The following RASGEF1A variants were observed in gnomAD, a reference collection of about 807,000 sequenced individuals.
RASGEF1A encodes the protein RasGEF domain family member 1A.
Under a neutral mutation model 56.4 loss-of-function variants are expected in RASGEF1A, and 18 were observed. The ratio of observed to expected loss-of-function variants is 0.32; its 90% CI spans 0.22 to 0.47. RASGEF1A has a LOEUF of 0.47. Among genes scored for constraint, RASGEF1A ranks in the 20% least tolerant of loss-of-function variants. RASGEF1A has a pLI of 1.00. For missense variants in RASGEF1A, 422 were observed against 627.1 expected (o/e 0.67, Z 3.49); for synonymous variants, 245 against 242.6 (o/e 1.01, Z -0.09).
chr10:43,242,461 T>C (rs2133218848), intron 1 of RASGEF1A, among the ~76,000 whole-genome samples: 1 of 152,210 alleles, frequency 6.6e-6, no homozygotes, highest in African/African-American at 2.4e-5. Flanking sequence ...GAACAAAAAC[T>C]CTAGACAGTA....
chr10:43,254,385 G>A (rs1214103334), intron 1 of RASGEF1A, among the ~76,000 whole-genome samples: 1 of 152,204 alleles, frequency 6.6e-6, no homozygotes, highest in Admixed American at 6.5e-5. Flanking sequence ...CCCTCCTGCT[G>A]AGGGCACGGG....
At chr10:43,224,525 G>A (rs1840248137) in intron 1 of RASGEF1A, among the ~76,000 whole-genome samples, 1 of 152,172 alleles carries the variant, frequency 6.6e-6, no homozygotes, top group Non-Finnish European at 1.5e-5. Flanking sequence ...GATTTTGCTA[G>A]ATATAGGAAA....
At chr10:43,250,753 C>T (rs1840619263) in intron 1 of RASGEF1A, among the ~76,000 whole-genome samples, 2 of 152,224 alleles carry the variant, frequency 1.3e-5, no homozygotes, top group South Asian at 4.1e-4. Flanking sequence ...GTCAAAAGCA[C>T]ATGAGGGGCA....
At chr10:43,250,647 G>GT (rs1054969689) in intron 1 of RASGEF1A, among the ~76,000 whole-genome samples, 20 of 152,262 alleles carry the variant, frequency 1.3e-4, no homozygotes, top group African/African-American at 4.8e-4. Flanking sequence ...GGGGAAGGGG[G>GT]GGGTCAGGCA....
intron 1 of RASGEF1A, among the ~76,000 whole-genome samples, chr10:43,211,535 C>T (rs1309984950): frequency 6.6e-6 from 1 of 152,226 alleles, no homozygotes; most frequent in Non-Finnish European, 1.5e-5. Flanking sequence ...CAGGCCTCCA[C>T]TACTCTGCCT....
chr10:43,203,179 T>TAGCCCTGACCCCATCCCC (rs1358343035), intron 3 of RASGEF1A, 119 bp downstream of exon 3: 2 of 675,874 alleles, frequency 3.0e-6, no homozygotes, highest in Non-Finnish European at 4.2e-6. Context: ...GCCCCAACTC[T>TAGCCCTGACCCCATCCCC]AGCCCTGACC....
intron 1 of RASGEF1A, among the ~76,000 whole-genome samples, chr10:43,238,241 A>G (rs899647275): frequency 5.3e-5 from 8 of 151,872 alleles, no homozygotes; most frequent in Non-Finnish European, 1.2e-4. Flanking sequence ...ATGTGTGCCT[A>G]CAGGAGGGTT....
chr10:43,212,049 T>G (rs780341614), intron 1 of RASGEF1A, among the ~76,000 whole-genome samples: 15 of 152,168 alleles, frequency 9.9e-5, no homozygotes, highest in Non-Finnish European at 1.6e-4. Flanking sequence ...TTCTGACCTG[T>G]GGCCTCTGAC....
chr10:43,227,621 C>A lies in RASGEF1A; in HGVS notation c.-6-21499G>T, dbSNP rs1840298064. Among the ~76,000 whole-genome samples, 2 of 152,230 alleles carry A rather than the reference C, an allele frequency of 1.3e-5. 1 individual carries two copies. Among genetic ancestry groups the A allele is most frequent in the African/African-American group, 4.8e-5 (2 of 41,530 alleles). On this transcript the variant is annotated intron_variant, in intron 1 of 12. Transcript: ENST00000395810. ...GCAGGTGCAGGTGTGGGTAGGGTGG[C>A]CAGGAGGCAGGGCAGCAAGGAGCCT...
chr10:43,207,077 G>T, intron 1 of RASGEF1A: 2 of 985,572 alleles, frequency 2.0e-6, no homozygotes, highest in Non-Finnish European at 2.4e-6. Flanking sequence ...AGCCAGCCAT[G>T]CCTGGGAGGA....
intron 1 of RASGEF1A, among the ~76,000 whole-genome samples, chr10:43,216,153 GC>G (rs1402829134): frequency 1.3e-5 from 2 of 152,190 alleles, no homozygotes; most frequent in Non-Finnish European, 2.9e-5. Context: ...GTGCCAGGCT[GC>G]CCCCCAACCT....
intron 1 of RASGEF1A, among the ~76,000 whole-genome samples, chr10:43,228,693 T>C (rs1840315661): frequency 1.3e-5 from 2 of 152,218 alleles, no homozygotes; most frequent in African/African-American, 4.8e-5. Flanking sequence ...CTAGCTCTCC[T>C]ACATTGCTTC....
chr10:43,207,961 G>A lies in RASGEF1A; in HGVS notation c.-6-1839C>T, dbSNP rs111986689. The A allele has an allele frequency of 9.6e-5, 83 of 867,358 alleles. 5 individuals carry two copies. The African/African-American group carries it at 1.2e-3, about 13-fold the overall frequency. 53.7% of individuals were successfully genotyped at this position (867,358 alleles called of 1,614,324 possible). A position where few individuals can be genotyped will look rare whatever the true frequency, so the allele number is the denominator to read the frequency against. Reference sequence around the variant, plus strand: ...AGCCTCCCTGGGTTTAACCTAGACTGTTGACCCACAAAGCCAGAAGTGGCT... The same window carrying A: ...AGCCTCCCTGGGTTTAACCTAGACTATTGACCCACAAAGCCAGAAGTGGCT... On this transcript the variant is annotated intron_variant, in intron 1 of 12. Transcript: ENST00000395810.
At chr10:43,249,171 C>T (rs374622559) in intron 1 of RASGEF1A, among the ~76,000 whole-genome samples, 40 of 152,302 alleles carry the variant, frequency 2.6e-4, no homozygotes, top group African/African-American at 9.1e-4. Flanking sequence ...AGGAGCAGGA[C>T]GCCATGGCTG....
At chr10:43,210,209 T>C (rs1564531805) in intron 1 of RASGEF1A, among the ~76,000 whole-genome samples, 1 of 152,208 alleles carries the variant, frequency 6.6e-6, no homozygotes, top group Non-Finnish European at 1.5e-5. Context: ...CGGAGGCTCA[T>C]GCCTGTAATC....
rs113253930 is a variant in RASGEF1A, at chr10:43,261,353, G to A, written c.-7+5492C>T. On this transcript the variant is annotated intron_variant, in intron 1 of 12. Coordinates refer to ENST00000395810, the MANE Select transcript of RASGEF1A (RefSeq NM_145313.4). Reference sequence around the variant, plus strand: ...CTAGGCCAGAGGAGGAAGGGGCACGGGGCATAGAAGGCCCTGTCCCCGTAG... The same window carrying A: ...CTAGGCCAGAGGAGGAAGGGGCACGAGGCATAGAAGGCCCTGTCCCCGTAG... Among the ~76,000 whole-genome samples, 352 of 152,292 alleles carry A rather than the reference G, an allele frequency of 2.3e-3. 2 individuals carry two copies. The highest frequency in any genetic ancestry group is 7.1e-3 in the African/African-American group (296 of 41,548).
At chr10:43,224,945 T>C (rs926417480) in intron 1 of RASGEF1A, among the ~76,000 whole-genome samples, 4 of 152,180 alleles carry the variant, frequency 2.6e-5, no homozygotes, top group African/African-American at 9.7e-5. Context: ...CCTGGGCATA[T>C]GTGTCTGCCC....
intron 1 of RASGEF1A, among the ~76,000 whole-genome samples, chr10:43,262,151 G>T (rs1218057388): frequency 6.6e-6 from 1 of 152,140 alleles, no homozygotes; most frequent in Non-Finnish European, 1.5e-5. Flanking sequence ...GGGTCCACCA[G>T]ATTTGGGCAG....
At chr10:43,256,704 C>G (rs2133228798) in intron 1 of RASGEF1A, among the ~76,000 whole-genome samples, 1 of 152,274 alleles carries the variant, frequency 6.6e-6, no homozygotes, top group African/African-American at 2.4e-5. Context: ...TGGTGTGGAC[C>G]AGCGCACACC....
Sources: gnomAD v4.1 joint callset for allele counts (sites outside exome capture counted in the v4.1 genomes callset) on GRCh38, gnomAD v4.1.1 for gene constraint, MANE v1.5 for transcripts, NCBI Gene and HGNC (gene_info 2026-07-23, HGNC 2026-07-21) for gene names.